The following FADS3 variants were observed in gnomAD, a reference collection of about 807,000 sequenced individuals.
The protein encoded by FADS3 is cytochrome b5-related protein.
A neutral mutation model predicts 60.4 loss-of-function variants in FADS3; 30 were observed. That is an observed-to-expected ratio of 0.50 (90% CI 0.37 to 0.67). FADS3 has a LOEUF of 0.67. Among genes scored for constraint, FADS3 ranks in the 30% least tolerant of loss-of-function variants. The pLI, the probability that FADS3 is intolerant of heterozygous loss-of-function variation, is 0.00. For synonymous variants in FADS3, 234 were observed against 249.3 expected, an observed-to-expected ratio of 0.94 and a Z score of 0.58; for missense variants, 432 against 598.3, an observed-to-expected ratio of 0.72 and a Z score of 2.90.
intron 1 of FADS3, among the ~76,000 whole-genome samples, chr11:61,886,924 C>T (rs1938338062): frequency 6.6e-6 from 1 of 152,152 alleles, no homozygotes; most frequent in African/African-American, 2.4e-5. Context: ...AGGCAGAGGG[C>T]TCAGGGGGTC....
chr11:61,885,116 C>T (rs1055413249), intron 1 of FADS3, among the ~76,000 whole-genome samples: 6 of 152,234 alleles, frequency 3.9e-5, no homozygotes, highest in African/African-American at 1.4e-4. Context: ...TGTTCATGCT[C>T]TCTCAGGATA....
At chr11:61,878,290 G>C (rs1937989049) in intron 5 of FADS3, 75 bp from the exon 6 acceptor site, 1 of 1,518,068 alleles carries the variant, frequency 6.6e-7, no homozygotes, top group African/African-American at 1.4e-5. Flanking sequence ...TCACGGGGCT[G>C]GCTGGGGCCA....
At chr11:61,884,798 C>T (rs1050351958) in intron 1 of FADS3, among the ~76,000 whole-genome samples, 4 of 152,224 alleles carry the variant, frequency 2.6e-5, no homozygotes, top group South Asian at 2.1e-4. Flanking sequence ...CGGCACTCGA[C>T]GTCTCTCATC....
chr11:61,880,704 A>C (rs1305954995), intron 1 of FADS3: 3 of 152,358 alleles, frequency 2.0e-5, no homozygotes, highest in Non-Finnish European at 4.4e-5. Context: ...AGACACTTGA[A>C]CAGTTAAACT....
At chr11:61,890,093 G>A (rs867977293) in intron 1 of FADS3, 1 of 150,708 alleles carries the variant, frequency 6.6e-6, no homozygotes, top group African/African-American at 2.4e-5. Context: ...AGCGTCTGGC[G>A]CCTGAACAGC....
At chr11:61,878,067 G>A in intron 6 of FADS3, 88 bp downstream of exon 6, 1 of 1,200,000 alleles carries the variant, frequency 8.3e-7, no homozygotes, top group Admixed American at 1.7e-5. Flanking sequence ...CCCCGCCCCA[G>A]GAAGTGGCTG....
Position 61,873,594 on chromosome 11 carries a change from A to G in FADS3, c.*220T>C. 2 of 582,226 alleles carry G rather than the reference A, an allele frequency of 3.4e-6. No individual in the cohort carries two copies. The highest frequency in any genetic ancestry group is 6.1e-6 in the Non-Finnish European group (2 of 327,260). The allele number at this position is 582,226 out of a possible 1,614,324, so 36.1% of individuals were successfully genotyped here. A position where few individuals can be genotyped will look rare whatever the true frequency, so the allele number is the denominator to read the frequency against. ...AATTCTCGCTCTAGGAAAATGTGCT[A>G]TGCTCACCTTCCCTCTACCCCTGTC... On this transcript the variant is annotated 3_prime_UTR_variant, in exon 12 of 12. Coordinates refer to ENST00000278829, the MANE Select transcript of FADS3 (RefSeq NM_021727.5).
chr11:61,889,651 G>A (rs1215581093), intron 1 of FADS3, among the ~76,000 whole-genome samples: 2 of 151,636 alleles, frequency 1.3e-5, no homozygotes, highest in African/African-American at 2.4e-5. Context: ...TGTCTCCGGC[G>A]GTTGGTGGGG....
intron 3 of FADS3, 133 bp downstream of exon 3, chr11:61,879,179 A>T: frequency 1.2e-6 from 1 of 833,950 alleles, no homozygotes; most frequent in Admixed American, 2.3e-5. Context: ...TCACTCATTC[A>T]TCTGTTTATT....
Position 61,879,492 on chromosome 11 carries a change from G to C in FADS3, c.342C>G (p.Asp114Glu). The change falls in exon 3 of 12, where the codon GAC becomes GAG. Residue 114 changes from aspartate (D) to glutamate (E), a missense_variant. This residue lies in a region of FADS3 where 167 missense variants were observed against 188.8 expected (regional missense o/e 0.88). Coordinates refer to ENST00000278829, the MANE Select transcript of FADS3 (RefSeq NM_021727.5). ...DGPLNAQLVE[D>E]FRALHQAAED... ...CGGCTGCCTGGTGCAGGGCTCGGAA[G>C]TCCTCGACCAGCTGCGCCTGCCATA... 6.3e-7 allele frequency: 1 copy of C among 1,588,908 alleles called. No individual in the cohort carries two copies. Among genetic ancestry groups the C allele is most frequent in the South Asian group, 1.1e-5 (1 of 87,350 alleles).
chr11:61,888,964 C>T (rs557783568), intron 1 of FADS3, among the ~76,000 whole-genome samples: 3 of 152,276 alleles, frequency 2.0e-5, no homozygotes, highest in Admixed American at 1.3e-4. Flanking sequence ...GGCGCGATCT[C>T]GGCTCACCGG....
Position 61,876,616 on chromosome 11 carries a change from G to A in FADS3, c.984-161C>T, listed in dbSNP as rs1490625723. On this transcript the variant is annotated intron_variant, in intron 8 of 11. Transcript: ENST00000278829. This position sits in a 1 kb window ranked among gnomAD's most constrained non-coding sequence, Gnocchi z 5.7. ...CCAGTGTTTAAAGAATCTGAATGGA[G>A]CAGTGTCCACTGTGAGGCTGAGTCC... The A allele has an allele frequency of 1.2e-5, 8 of 679,928 alleles. No homozygotes were observed. The highest frequency in any genetic ancestry group is 2.1e-5 in the Non-Finnish European group (8 of 384,676). The allele number at this position is 679,928 out of a possible 1,614,324, so 42.1% of individuals were successfully genotyped here. A position where few individuals can be genotyped will look rare whatever the true frequency, so the allele number is the denominator to read the frequency against.
chr11:61,876,339 G>A lies in FADS3; in HGVS notation c.1080+20C>T, dbSNP rs1565343179. 1 of 1,610,232 alleles carries A rather than the reference G, an allele frequency of 6.2e-7. No homozygotes were observed. The highest frequency in any genetic ancestry group is 2.2e-5 in the East Asian group (1 of 44,810). On this transcript the variant is annotated intron_variant, in intron 9 of 11. Transcript: ENST00000278829. The surrounding 1 kb of genome is among the most constrained non-coding windows in gnomAD (Gnocchi z 5.7). ...GGACCCCCCACCCCACCCAGGATGG[G>A]CCCCACCCCTGCTGCCCACCTGAGA...
At position 61,891,319 on chromosome 11, in the gene FADS3, G is replaced by T; in HGVS notation, c.63C>A (p.Pro21=). ...EGPAQPGAPL[P]TFCWEQIRAH... Reference sequence around the variant, plus strand: ...CGCGGATCTGCTCCCAGCAGAAGGTGGGCAGCGGCGCCCCCGGCTGCGCGG... The same window carrying T: ...CGCGGATCTGCTCCCAGCAGAAGGTTGGCAGCGGCGCCCCCGGCTGCGCGG... The change falls in exon 1 of 12, where the codon CCC becomes CCA. Residue 21 remains proline (P), a synonymous_variant. Transcript: ENST00000278829. 1 of 1,523,068 alleles carries T rather than the reference G, an allele frequency of 6.6e-7. No individual in the cohort carries two copies. Among genetic ancestry groups the T allele is most frequent in the Non-Finnish European group, 8.8e-7 (1 of 1,139,194 alleles). The allele number at this position is 1,523,068 out of a possible 1,614,324, so 94.3% of individuals were successfully genotyped here.
At chr11:61,890,908 G>T (rs1255106841) in intron 1 of FADS3, among the ~76,000 whole-genome samples, 1 of 152,320 alleles carries the variant, frequency 6.6e-6, no homozygotes, top group East Asian at 1.9e-4. Context: ...TCTGCAGCAT[G>T]ACACACCCAC....
intron 1 of FADS3, among the ~76,000 whole-genome samples, chr11:61,885,238 G>A (rs953051522): frequency 2.6e-5 from 4 of 152,008 alleles, no homozygotes; most frequent in African/African-American, 7.2e-5. Flanking sequence ...GCAGCTGGTC[G>A]GGGGGGTGTC....
Position 61,876,732 on chromosome 11 carries a change from T to G in FADS3, c.983+134A>C. 1 of 819,174 alleles carries G rather than the reference T, an allele frequency of 1.2e-6. No homozygotes were observed. Among genetic ancestry groups the G allele is most frequent in the Non-Finnish European group, 2.0e-6 (1 of 489,600 alleles). 50.7% of individuals were successfully genotyped at this position (819,174 alleles called of 1,614,324 possible). ...TGGGCTCCTGCCACGCTTGTGTTTA[T>G]GTGATTCCACCAGCAAGCCAGGGAG... On this transcript the variant is annotated intron_variant, in intron 8 of 11. Transcript: ENST00000278829. This position sits in a 1 kb window ranked among gnomAD's most constrained non-coding sequence, Gnocchi z 5.7.
intron 1 of FADS3, among the ~76,000 whole-genome samples, 165 bp downstream of exon 1, chr11:61,891,004 T>G (rs1247470380): frequency 6.6e-6 from 1 of 152,080 alleles, no homozygotes; most frequent in Non-Finnish European, 1.5e-5. Flanking sequence ...CTACCCCACA[T>G]CTGGCCCTGG....
chr11:61,877,264 C>G lies in FADS3; in HGVS notation c.885+247G>C. On this transcript the variant is annotated intron_variant, in intron 7 of 11. Coordinates refer to ENST00000278829, the MANE Select transcript of FADS3 (RefSeq NM_021727.5). This position sits in a 1 kb window ranked among gnomAD's most constrained non-coding sequence, Gnocchi z 4.7. ...CCAGCAACTCCTCCTGGGAAGACACCCTCACCGAGAGAGACCCACACCCCC... is the reference window on the plus strand; with the variant it reads ...CCAGCAACTCCTCCTGGGAAGACACGCTCACCGAGAGAGACCCACACCCCC... 2.0e-6 allele frequency: 1 copy of G among 511,852 alleles called. No individual in the cohort carries two copies. Among genetic ancestry groups the G allele is most frequent in the Non-Finnish European group, 3.5e-6 (1 of 283,270 alleles). The allele number at this position is 511,852 out of a possible 1,614,324, so 31.7% of individuals were successfully genotyped here. A position where few individuals can be genotyped will look rare whatever the true frequency, so the allele number is the denominator to read the frequency against.
Sources: allele counts gnomAD v4.1 joint callset (sites outside exome capture counted in the v4.1 genomes callset), GRCh38; gene constraint gnomAD v4.1.1; regional missense constraint gnomAD v4.1.1; non-coding constraint Gnocchi (gnomAD v3.1); transcripts MANE v1.5; gene names NCBI Gene and HGNC (gene_info 2026-07-23, HGNC 2026-07-21).